HEG1: variants seen among roughly 807,000 people sequenced by gnomAD.
HEG1 encodes protein HEG homolog 1.
In HEG1, 56 loss-of-function variants were observed where a neutral mutation model predicts 125.6. The ratio of observed to expected loss-of-function variants is 0.45; its 90% confidence interval spans 0.36 to 0.56. The LOEUF is 0.56. Ranked by LOEUF, HEG1 falls within the 20% of genes least tolerant of loss-of-function variation. HEG1 has a pLI of 0.00. For missense variants in HEG1, 1,523 were observed against 1,670.0 expected, an observed-to-expected ratio of 0.91 and a Z score of 1.53; for synonymous variants, 644 against 668.5, an observed-to-expected ratio of 0.96 and a Z score of 0.57.
chr3:125,031,817 TAC>T (rs112803867), intron 1 of HEG1, among the ~76,000 whole-genome samples: 40 of 132,782 alleles, frequency 3.0e-4, no homozygotes, highest in Admixed American at 9.1e-4. Flanking sequence ...CAGGCATGCA[TAC>T]ACACACACAC....
chr3:125,021,194 G>A (rs750417260), intron 3 of HEG1, 64 bp from the exon 4 acceptor site: 211 of 1,245,768 alleles, frequency 1.7e-4, no homozygotes, highest in Admixed American at 4.3e-4. Context: ...GACTATATTC[G>A]AGATACAAAT....
At chr3:125,043,228 T>C (rs1449142006) in intron 1 of HEG1, among the ~76,000 whole-genome samples, 1 of 152,182 alleles carries the variant, frequency 6.6e-6, no homozygotes, top group Admixed American at 6.5e-5. Flanking sequence ...GTGACAGACG[T>C]CTGCTGGACT....
Position 125,029,276 on chromosome 3 carries a change from T to C in HEG1, c.529A>G (p.Ser177Gly), listed in dbSNP as rs1653025821. 2.5e-6 allele frequency: 4 copies of C among 1,613,872 alleles called. No individual in the cohort carries two copies. Among genetic ancestry groups the C allele is most frequent in the Admixed American group, 1.7e-5 (1 of 60,008 alleles). Residue 177 changes from serine (S) to glycine (G), a missense_variant, in exon 2 of 17, where the codon AGT (serine) becomes GGT (glycine). Ser to Gly is a moderately conservative substitution (Grantham distance 56). Transcript: ENST00000311127. ...ADARGRSGSS[S>G]RTNFTILPVG... ...GGCAAAATGGTGAAGTTTGTTCTAC[T>C]TGAAGAGCCGCTCCTTCCTCTAGCA...
intron 3 of HEG1, among the ~76,000 whole-genome samples, chr3:125,025,079 C>T (rs1352722151): frequency 1.3e-5 from 2 of 152,260 alleles, no homozygotes; most frequent in East Asian, 1.9e-4. Context: ...TGCTGGCTCT[C>T]TCTCAGCACT....
intron 1 of HEG1, among the ~76,000 whole-genome samples, chr3:125,036,523 A>G (rs1937549052): frequency 6.6e-6 from 1 of 152,208 alleles, no homozygotes; most frequent in South Asian, 2.1e-4. Flanking sequence ...GATAAAAATA[A>G]AAGCTATATT....
chr3:125,041,231 T>C (rs1937591543), intron 1 of HEG1, among the ~76,000 whole-genome samples: 1 of 152,180 alleles, frequency 6.6e-6, no homozygotes, highest in Non-Finnish European at 1.5e-5. Context: ...CTGGCCAAAG[T>C]TACCTGGATT....
chr3:124,973,647 T>A (rs1331383935), intron 16 of HEG1, 84 bp downstream of exon 16: 2 of 1,102,772 alleles, frequency 1.8e-6, no homozygotes, highest in African/African-American at 3.1e-5. Context: ...CTAACTGTAA[T>A]GCTTTTACTA....
intron 1 of HEG1, among the ~76,000 whole-genome samples, chr3:125,036,728 G>A (rs1300991466): frequency 2.0e-5 from 3 of 152,186 alleles, no homozygotes; most frequent in Non-Finnish European, 2.9e-5. Flanking sequence ...GAAAAGCATG[G>A]AAATACAAAC....
chr3:125,002,652 T>C (rs559714901), intron 9 of HEG1, among the ~76,000 whole-genome samples: 1 of 152,344 alleles, frequency 6.6e-6, no homozygotes, highest in South Asian at 2.1e-4. Flanking sequence ...AACTGTTTAT[T>C]TGGACTCTGC....
chr3:125,014,527 G>A (rs555071109), intron 5 of HEG1, among the ~76,000 whole-genome samples: 41 of 152,238 alleles, frequency 2.7e-4, no homozygotes, highest in African/African-American at 9.6e-4. Context: ...TGTGTGGAGG[G>A]CTGGGGGTGG....
intron 14 of HEG1, among the ~76,000 whole-genome samples, chr3:124,988,450 C>A (rs1246457445): frequency 6.6e-6 from 1 of 152,130 alleles, no homozygotes; most frequent in African/African-American, 2.4e-5. Flanking sequence ...AATATGATAA[C>A]TTCCTTGCCT....
At chr3:124,989,998 T>C (rs559877462) in intron 14 of HEG1, among the ~76,000 whole-genome samples, 4 of 152,306 alleles carry the variant, frequency 2.6e-5, no homozygotes, top group Non-Finnish European at 5.9e-5. Context: ...ACTTACACAC[T>C]GTCCCCAGAA....
rs943983908 is a variant in HEG1 at position 125,027,275 on chromosome 3, T to C, written c.843A>G (p.Ser281=). The change falls in exon 3 of 17, where the codon TCA becomes TCG. Residue 281 remains serine (S), a synonymous_variant. Coordinates refer to ENST00000311127, the MANE Select transcript of HEG1 (RefSeq NM_020733.2). ...AATGCAGCCAGGAGAGATCTGGTCC[T>C]GAGGAATTTCTCTTCCTAGAAGGCG... ...LTTPSRKRNS[S]GPDLSWLHFY... 27 of 1,613,296 alleles carry C rather than the reference T, an allele frequency of 1.7e-5. No individual in the cohort carries two copies. Among genetic ancestry groups the C allele is most frequent in the African/African-American group, 2.7e-5 (2 of 74,926 alleles).
At position 125,013,814 on chromosome 3, in the gene HEG1, T is replaced by C; in HGVS notation, c.1765A>G (p.Lys589Glu). ...DIVESSTSYIKISNSSHSEYS... is the reference protein window; with the variant it reads ...DIVESSTSYIEISNSSHSEYS... ...TCTGAATGTGAAGAGTTTGAGATTT[T>C]AATATAAGAAGTTGAGCTCTCCACA... The change falls in exon 6 of 17, where the codon AAA (lysine) becomes GAA (glutamate). Residue 589 changes from lysine (K) to glutamate (E), a missense_variant. By Grantham distance (56) the Lys-to-Glu change is moderately conservative. Coordinates refer to ENST00000311127, the MANE Select transcript of HEG1 (RefSeq NM_020733.2). 2.5e-6 allele frequency: 4 copies of C among 1,613,920 alleles called. No homozygotes were observed. The highest frequency in any genetic ancestry group is 1.1e-5 in the South Asian group (1 of 91,068).
chr3:125,011,366 C>A (rs931755937), intron 6 of HEG1, among the ~76,000 whole-genome samples: 1 of 152,162 alleles, frequency 6.6e-6, no homozygotes, highest in Non-Finnish European at 1.5e-5. Context: ...ACTTATATAG[C>A]CAAACACTAA....
chr3:124,996,024 C>T (rs116470486), intron 12 of HEG1, among the ~76,000 whole-genome samples: 85 of 152,248 alleles, frequency 5.6e-4, no homozygotes, highest in African/African-American at 1.5e-3. Flanking sequence ...AGCAGCACAG[C>T]GCCCCAACAC....
intron 12 of HEG1, among the ~76,000 whole-genome samples, chr3:124,992,610 G>A (rs1244253768): frequency 3.3e-5 from 5 of 152,234 alleles, no homozygotes; most frequent in Non-Finnish European, 7.3e-5. Context: ...GCAGGGGGCT[G>A]GCGAGTGATG....
intron 1 of HEG1, among the ~76,000 whole-genome samples, chr3:125,049,767 C>T (rs1937761998): frequency 6.6e-6 from 1 of 152,112 alleles, no homozygotes. Context: ...AATACGATGC[C>T]CACCAGCATT....
intron 11 of HEG1, 22 bp from the exon 12 acceptor site, chr3:124,997,845 G>A: frequency 1.9e-6 from 3 of 1,556,270 alleles, no homozygotes; most frequent in Non-Finnish European, 2.6e-6. Context: ...AAACAAGACA[G>A]TGAAACAAAA....
Sources: allele counts gnomAD v4.1 joint callset (sites outside exome capture counted in the v4.1 genomes callset), GRCh38; gene constraint gnomAD v4.1.1; transcripts MANE v1.5; gene names NCBI Gene and HGNC (gene_info 2026-07-23, HGNC 2026-07-21).